The following TSHZ3 variants were observed in gnomAD, a reference collection of about 807,000 sequenced individuals.
TSHZ3 encodes teashirt homolog 3.
TSHZ3 carries 10 observed loss-of-function variants against 64.5 expected under a neutral mutation model. That is an observed-to-expected ratio of 0.16 (90% CI 0.10 to 0.26). The LOEUF is 0.26. Among genes scored for constraint, TSHZ3 ranks in the 10% least tolerant of loss-of-function variants. The probability of loss-of-function intolerance (pLI) is 1.00; values close to 1 mark genes in which losing one functional copy is unlikely to be tolerated. For synonymous variants in TSHZ3, 608 were observed against 593.1 expected (o/e 1.03, Z -0.36); for missense variants, 1,242 against 1,421.7 (o/e 0.87, Z 2.03).
intron 5 of TSHZ3, chr19:31,204,856 C>T (rs1042702073): frequency 6.6e-6 from 1 of 152,522 alleles, no homozygotes; most frequent in African/African-American, 2.4e-5. Context: ...AGAGGAGAGC[C>T]TTCCCTTCCC....
At position 31,276,061 on chromosome 19, in the gene TSHZ3, C is replaced by T. The variant is rs1470217673; in HGVS notation, c.*486G>A. ...TGGAGGTTCATATTATTCATTATAA[C>T]TAAGCTGGTAAGGAGTTTAAAAAAC... On this transcript the variant is annotated 3_prime_UTR_variant, in exon 2 of 2. Coordinates refer to ENST00000240587, the MANE Select transcript of TSHZ3 (RefSeq NM_020856.4). 2.6e-5 allele frequency: 4 copies of T among 152,744 alleles called. No individual in the cohort carries two copies. The highest frequency in any genetic ancestry group is 2.6e-4 in the Admixed American group (4 of 15,292). The allele number at this position is 152,744 out of a possible 1,614,324, so 9.5% of individuals were successfully genotyped here. A position where few individuals can be genotyped will look rare whatever the true frequency, so the allele number is the denominator to read the frequency against.
chr19:31,263,130 G>T (rs527742647), intron 1 of TSHZ3, among the ~76,000 whole-genome samples: 8 of 152,258 alleles, frequency 5.3e-5, no homozygotes, highest in African/African-American at 1.9e-4. Context: ...TGCCCTGCCG[G>T]GGTCTGAAGA....
chr19:31,174,049 C>G (rs917162388), intron 5 of TSHZ3, among the ~76,000 whole-genome samples: 1 of 152,172 alleles, frequency 6.6e-6, no homozygotes, highest in Non-Finnish European at 1.5e-5. Flanking sequence ...GCCTGGGAGA[C>G]AGAGCGAGAC....
chr19:31,249,821 C>CATGTAA (rs1975811849), intron 1 of TSHZ3, among the ~76,000 whole-genome samples: 1 of 152,188 alleles, frequency 6.6e-6, no homozygotes, highest in Non-Finnish European at 1.5e-5. Flanking sequence ...CATGTAAAGA[C>CATGTAA]AGCACTGTCC....
intron 4 of TSHZ3, among the ~76,000 whole-genome samples, chr19:31,206,420 T>G (rs1975177854): frequency 1.3e-5 from 2 of 152,100 alleles, no homozygotes; most frequent in South Asian, 4.1e-4. Flanking sequence ...ACTGAACAAG[T>G]ACCAACATAG....
chr19:31,205,471 C>G (rs1243260990), intron 4 of TSHZ3, among the ~76,000 whole-genome samples: 1 of 152,174 alleles, frequency 6.6e-6, no homozygotes, highest in African/African-American at 2.4e-5. Context: ...AAATACTGGC[C>G]GTTTATGGCT....
chr19:31,295,680 T>C (rs1976648650), intron 1 of TSHZ3, among the ~76,000 whole-genome samples: 1 of 152,114 alleles, frequency 6.6e-6, no homozygotes, highest in South Asian at 2.1e-4. Flanking sequence ...ACCTGGGCCC[T>C]GGAGGCACAG....
At chr19:31,227,226 C>T (rs539410472) in intron 4 of TSHZ3, among the ~76,000 whole-genome samples, 2 of 151,836 alleles carry the variant, frequency 1.3e-5, no homozygotes, top group East Asian at 1.9e-4. Context: ...GCCACCCACC[C>T]GTCTCAGCCT....
rs552285096 is a variant in TSHZ3, at chr19:31,151,716, G to A, written n.900C>T. Among the ~76,000 whole-genome samples, 10 of 152,244 alleles carry A rather than the reference G, an allele frequency of 6.6e-5. No individual in the cohort carries two copies. In the East Asian group the frequency reaches 7.7e-4, roughly 12 times the overall value. ...GTCTCGATGCAAGAGAATCAGTTTC[G>A]TCCCTGATGAAACATAGGGCTTCTC... On this transcript the variant is annotated non_coding_transcript_exon_variant, in exon 7 of 7. Coordinates refer to the TSHZ3 transcript ENST00000651361.
chr19:31,189,992 C>T (rs767992316), intron 5 of TSHZ3, among the ~76,000 whole-genome samples: 1 of 152,104 alleles, frequency 6.6e-6, no homozygotes, highest in Non-Finnish European at 1.5e-5. Context: ...TTCTCTAAAT[C>T]TCTGTGTCTA....
At chr19:31,267,377 G>A (rs995343865) in intron 1 of TSHZ3, among the ~76,000 whole-genome samples, 3 of 152,104 alleles carry the variant, frequency 2.0e-5, no homozygotes, top group African/African-American at 7.2e-5. Flanking sequence ...GGACCTCCAT[G>A]TTCAAATGGG....
rs2021613849 is a variant in TSHZ3 at position 31,349,082 on chromosome 19, G to T, written c.40+98C>A. ...CGCCCGGAGTTACTCAGTGCGGGCA[G>T]AAGAGCGGGGCGAGGAGCGGGGTCG... On this transcript the variant is annotated intron_variant, in intron 1 of 1. Transcript: ENST00000240587. 4 of 1,456,948 alleles carry T rather than the reference G, an allele frequency of 2.7e-6. No homozygotes were observed. In the African/African-American group the frequency reaches 4.4e-5, roughly 16 times the overall value. 90.3% of individuals were successfully genotyped at this position (1,456,948 alleles called of 1,614,324 possible).
At chr19:31,291,442 A>G (rs1976563196) in intron 1 of TSHZ3, among the ~76,000 whole-genome samples, 1 of 152,164 alleles carries the variant, frequency 6.6e-6, no homozygotes. Context: ...TCAGAAAAGG[A>G]GGAGGCCAGA....
Position 31,278,698 on chromosome 19 carries a change from C to T in TSHZ3, c.1095G>A (p.Arg365=). ...AGCTGGCCCCATTCTGGTGGCCGTA[C>T]CGATTATTTGGCGTGATGTAAGGGT... The part of the protein sequence containing the change: ...NSNPYITPNN[R]YGHQNGASYA... The change falls in exon 2 of 2, where the codon CGG becomes CGA. Residue 365 remains arginine, a synonymous_variant. Transcript: ENST00000240587. This position sits in a 1 kb window ranked among gnomAD's most constrained non-coding sequence, Gnocchi z 4.7. 6.2e-7 allele frequency: 1 copy of T among 1,614,108 alleles called. No individual in the cohort carries two copies. Among genetic ancestry groups the T allele is most frequent in the Non-Finnish European group, 8.5e-7 (1 of 1,180,036 alleles).
intron 1 of TSHZ3, among the ~76,000 whole-genome samples, chr19:31,319,420 A>G (rs1313398720): frequency 6.6e-6 from 1 of 152,270 alleles, no homozygotes; most frequent in Non-Finnish European, 1.5e-5. Context: ...ATATATATGA[A>G]GATCACTTGG....
intron 1 of TSHZ3, chr19:31,308,774 C>G: frequency 2.5e-6 from 1 of 398,396 alleles, no homozygotes; most frequent in East Asian, 3.6e-5. Context: ...GCTGTGTCTG[C>G]TCAGATTCAG....
At chr19:31,237,381 T>G (rs950629882) in intron 3 of TSHZ3, among the ~76,000 whole-genome samples, 1 of 152,214 alleles carries the variant, frequency 6.6e-6, no homozygotes, top group Admixed American at 6.5e-5. Context: ...CTTCTTATTA[T>G]TCTTTAAAAT....
intron 1 of TSHZ3, among the ~76,000 whole-genome samples, chr19:31,285,805 AAAAGG>A (rs1976451573): frequency 2.7e-5 from 4 of 148,860 alleles, no homozygotes; most frequent in Admixed American, 2.7e-4. Flanking sequence ...AAAAAAAAAA[AAAAGG>A]AAAAGTGAAA....
At chr19:31,333,106 CAATA>C (rs10585080) in intron 1 of TSHZ3, among the ~76,000 whole-genome samples, 29,208 of 137,602 alleles carry the variant, frequency 0.21, 3,319 homozygotes, top group African/African-American at 0.27. Context: ...TCCTGTCTCA[CAATA>C]AATAAATAAA....
Sources: allele counts gnomAD v4.1 joint callset (sites outside exome capture counted in the v4.1 genomes callset), GRCh38; gene constraint gnomAD v4.1.1; non-coding constraint Gnocchi (gnomAD v3.1); transcripts MANE v1.5; gene names NCBI Gene and HGNC (gene_info 2026-07-23, HGNC 2026-07-21).